CDYL: variants seen among roughly 807,000 people sequenced by gnomAD.
CDYL encodes the protein chromodomain Y like.
CDYL carries 8 observed loss-of-function variants against 47.3 expected under a neutral mutation model. The ratio of observed to expected loss-of-function variants is 0.17; its 90% CI spans 0.10 to 0.31. The LOEUF (loss-of-function observed/expected upper bound fraction) is 0.31, where lower values mean the gene tolerates loss of function less well. CDYL is among the 10% of genes least tolerant of loss of function. CDYL has a pLI of 1.00. For synonymous variants in CDYL, 266 were observed against 265.0 expected (o/e 1.00, Z -0.04); for missense variants, 471 against 701.4 (o/e 0.67, Z 3.71).
At position 4,892,189 on chromosome 6, in the gene CDYL, C is replaced by G; in HGVS notation, c.501C>G (p.Asp167Glu). The change falls in exon 2 of 7, where the codon GAC becomes GAG. Residue 167 changes from aspartate to glutamate, a missense_variant. Physicochemically the swap from Asp to Glu is conservative, Grantham distance 45. This residue lies in a region of CDYL where 311 missense variants were observed against 350.0 expected (regional missense o/e 0.89). Transcript: ENST00000397588. ...AGAGCGAGAGCCCTGAGAAACTGGA[C>G]CCCGTCGAGCAGGGTCAGGAGGACA... is the stretch of plus-strand genomic sequence containing the variant. ...GFQSESPEKL[D>E]PVEQGQEDTV... is the part of the protein sequence containing the mutation. 6.2e-7 allele frequency: 1 copy of G among 1,614,212 alleles called. No homozygotes were observed.
chr6:4,712,940 T>G (rs1757178420), intron 1 of CDYL, among the ~76,000 whole-genome samples: 1 of 152,182 alleles, frequency 6.6e-6, no homozygotes, highest in African/African-American at 2.4e-5. Context: ...AGGCCAGGCG[T>G]TTGAGACCAG....
rs763223983 is a variant in CDYL at position 4,776,812 on chromosome 6, C to T, written c.24+5C>T. 2.8e-6 allele frequency: 3 copies of T among 1,078,732 alleles called. No individual in the cohort carries two copies. The highest frequency in any genetic ancestry group is 8.3e-5 in the East Asian group (1 of 12,088). 66.8% of individuals were successfully genotyped at this position (1,078,732 alleles called of 1,614,324 possible). A position where few individuals can be genotyped will look rare whatever the true frequency, so the allele number is the denominator to read the frequency against. On this transcript the variant is annotated splice_donor_5th_base_variant and intron_variant, in intron 1 of 6. Coordinates refer to ENST00000397588, the MANE Select transcript of CDYL (RefSeq NM_004824.4). Reference sequence around the variant, plus strand: ...GCTTCCGAGGAGCTGTACGAGGTACCTCCCCTCCCCCCGGCCTCGGGCCGC... The same window carrying T: ...GCTTCCGAGGAGCTGTACGAGGTACTTCCCCTCCCCCCGGCCTCGGGCCGC...
chr6:4,746,462 T>C (rs1472126244), intron 3 of CDYL, among the ~76,000 whole-genome samples: 1 of 151,100 alleles, frequency 6.6e-6, no homozygotes, highest in Non-Finnish European at 1.5e-5. Flanking sequence ...GGTAATGCAG[T>C]GATGAAATGG....
intron 2 of CDYL, among the ~76,000 whole-genome samples, chr6:4,901,580 G>C (rs1275921310): frequency 6.6e-6 from 1 of 152,148 alleles, no homozygotes. Context: ...AGAGTGATTT[G>C]ATCAAATCAC....
At chr6:4,723,703 C>T (rs566594805) in intron 2 of CDYL, among the ~76,000 whole-genome samples, 44 of 152,134 alleles carry the variant, frequency 2.9e-4, no homozygotes, top group Non-Finnish European at 5.6e-4. Context: ...CCTGTCAGCA[C>T]CCCAAGCCAC....
chr6:4,717,403 C>A (rs1757284896), intron 2 of CDYL, among the ~76,000 whole-genome samples: 3 of 152,000 alleles, frequency 2.0e-5, no homozygotes, highest in Admixed American at 2.0e-4. Context: ...GGCAAAATTG[C>A]ATTTCAGTTT....
At chr6:4,903,043 G>A (rs1757116993) in intron 2 of CDYL, among the ~76,000 whole-genome samples, 1 of 152,180 alleles carries the variant, frequency 6.6e-6, no homozygotes. Flanking sequence ...GTACATGAGT[G>A]AGTTGTTGGA....
intron 1 of CDYL, among the ~76,000 whole-genome samples, chr6:4,838,409 T>G (rs1406046656): frequency 6.6e-6 from 1 of 152,202 alleles, no homozygotes; most frequent in Non-Finnish European, 1.5e-5. Context: ...GATGTTTGGT[T>G]TTCCATTCCT....
chr6:4,776,651 T>TG lies in CDYL; in HGVS notation c.-132dup, dbSNP rs1758459965. On this transcript the variant is annotated 5_prime_UTR_variant, in exon 1 of 7. Coordinates refer to ENST00000397588, the MANE Select transcript of CDYL (RefSeq NM_004824.4). ...CCGCGGAGTGCAAGAGGCTCGTCCG[T>TG]GCCCAGCGCCCGGCCGGCCGCGGGA... 1 of 724,738 alleles carries TG rather than the reference T, an allele frequency of 1.4e-6. No individual in the cohort carries two copies. The highest frequency in any genetic ancestry group is 2.4e-5 in the South Asian group (1 of 40,892). The allele number at this position is 724,738 out of a possible 1,614,324, so 44.9% of individuals were successfully genotyped here.
intron 3 of CDYL, among the ~76,000 whole-genome samples, chr6:4,748,847 T>A (rs1248546888): frequency 2.6e-5 from 4 of 152,194 alleles, no homozygotes; most frequent in African/African-American, 9.7e-5. Context: ...TTCCTTCTGC[T>A]ATTCAAAGCT....
At chr6:4,832,167 A>G (rs1020824884) in intron 1 of CDYL, among the ~76,000 whole-genome samples, 53 of 152,080 alleles carry the variant, frequency 3.5e-4, no homozygotes, top group South Asian at 4.1e-4. Flanking sequence ...TTTCAAAGGG[A>G]ATGCTTCCAG....
chr6:4,774,085 GGAGCCCCTTGTGA>G (rs1758379483), upstream of CDYL, among the ~76,000 whole-genome samples: 1 of 152,176 alleles, frequency 6.6e-6, no homozygotes, highest in Non-Finnish European at 1.5e-5. Context: ...CGCACATGGT[GGAGCCCCTTGTGA>G]ATGCCTAAGC....
At chr6:4,779,649 C>T (rs1257369409) in intron 1 of CDYL, among the ~76,000 whole-genome samples, 5 of 152,318 alleles carry the variant, frequency 3.3e-5, no homozygotes, top group Admixed American at 6.5e-5. Flanking sequence ...TTACTCCCTA[C>T]TTTTCCAGCT....
intron 2 of CDYL, among the ~76,000 whole-genome samples, chr6:4,894,834 C>CGTGTGTGTGTGTGTGTGTGT (rs71540834): frequency 2.8e-5 from 4 of 145,348 alleles, no homozygotes; most frequent in East Asian, 4.1e-4. Flanking sequence ...CCACAAAAGT[C>CGTGTGTGTGTGTGTGTGTGT]GTGTGTGTGT....
intron 1 of CDYL, among the ~76,000 whole-genome samples, chr6:4,843,267 C>T (rs918962462): frequency 6.6e-6 from 1 of 152,130 alleles, no homozygotes; most frequent in African/African-American, 2.4e-5. Context: ...TTCATCTTAA[C>T]TTTAGATAAC....
At chr6:4,787,944 G>A (rs1026653420) in intron 1 of CDYL, among the ~76,000 whole-genome samples, 2 of 151,598 alleles carry the variant, frequency 1.3e-5, no homozygotes, top group Non-Finnish European at 2.9e-5. Context: ...GCTAATTTTT[G>A]TATTTTTAGT....
intron 3 of CDYL, among the ~76,000 whole-genome samples, chr6:4,757,976 A>T (rs1758101951): frequency 6.6e-6 from 1 of 152,234 alleles, no homozygotes. Flanking sequence ...AAATTTTTTA[A>T]AAACAAGTTT....
chr6:4,801,605 G>T (rs1173276026), intron 1 of CDYL, among the ~76,000 whole-genome samples: 1 of 152,118 alleles, frequency 6.6e-6, no homozygotes, highest in Non-Finnish European at 1.5e-5. Context: ...TCTTTGCACT[G>T]GTGGTGGTTT....
intron 1 of CDYL, among the ~76,000 whole-genome samples, chr6:4,820,838 G>C (rs1252588783): frequency 6.6e-6 from 1 of 152,190 alleles, no homozygotes; most frequent in Non-Finnish European, 1.5e-5. Context: ...CTAAGGCAGA[G>C]CGGCAGCCTG....
Sources: allele counts gnomAD v4.1 joint callset (sites outside exome capture counted in the v4.1 genomes callset), GRCh38; gene constraint gnomAD v4.1.1; regional missense constraint gnomAD v4.1.1; transcripts MANE v1.5; gene names NCBI Gene and HGNC (gene_info 2026-07-23, HGNC 2026-07-21).